Variants in CDK17 observed in about 807,000 individuals in gnomAD.
The protein encoded by CDK17 is cyclin dependent kinase 17.
A neutral mutation model predicts 77.6 loss-of-function variants in CDK17; 24 were observed. The ratio of observed to expected loss-of-function variants is 0.31; its 90% confidence interval spans 0.22 to 0.44. CDK17 has a LOEUF of 0.44. CDK17 is among the 20% of genes least tolerant of loss of function. The probability of loss-of-function intolerance (pLI) is 1.00; values close to 1 mark genes in which losing one functional copy is unlikely to be tolerated. For synonymous variants in CDK17, 203 were observed against 210.4 expected, an observed-to-expected ratio of 0.96 and a Z score of 0.30; for missense variants, 429 against 622.5, an observed-to-expected ratio of 0.69 and a Z score of 3.31.
chr12:96,342,793 G>A (rs887210200), intron 1 of CDK17, among the ~76,000 whole-genome samples: 2 of 151,542 alleles, frequency 1.3e-5, no homozygotes, highest in East Asian at 2.0e-4. Flanking sequence ...GAGAAACCCC[G>A]TCTCTACTAA....
In CDK17 at chr12:96,280,026, G is replaced by A. The variant is rs998377235; in HGVS notation, c.*216C>T. On this transcript the variant is annotated 3_prime_UTR_variant, in exon 17 of 17. Coordinates refer to ENST00000261211, the MANE Select transcript of CDK17 (RefSeq NM_002595.5). ...CTGTAACCTACTGGCTCTAATGGCA[G>A]AGAAGACCTTAAAACCGACTGTACA... The A allele has an allele frequency of 1.1e-5, 5 of 463,436 alleles. No homozygotes were observed. The highest frequency in any genetic ancestry group is 4.6e-5 in the South Asian group (1 of 21,870). The allele number at this position is 463,436 out of a possible 1,614,324, so 28.7% of individuals were successfully genotyped here. A position where few individuals can be genotyped will look rare whatever the true frequency, so the allele number is the denominator to read the frequency against.
In CDK17 at chr12:96,359,748, A is replaced by G. The variant is rs78464780; in HGVS notation, c.-29-24883T>C. Among the ~76,000 whole-genome samples the G allele has an allele frequency of 2.6e-3, 391 of 152,366 alleles. 2 individuals are homozygous for G. Among genetic ancestry groups the G allele is most frequent in the African/African-American group, 8.9e-3 (370 of 41,588 alleles). ...AACAAAAATAAACACAATTTCTTAA[A>G]AAGATTTATACTATAAAACTCAAAG... On this transcript the variant is annotated intron_variant, in intron 1 of 16. Coordinates refer to ENST00000261211, the MANE Select transcript of CDK17 (RefSeq NM_002595.5).
At chr12:96,384,748 G>A (rs1953944122) in intron 1 of CDK17, among the ~76,000 whole-genome samples, 3 of 152,160 alleles carry the variant, frequency 2.0e-5, no homozygotes, top group Admixed American at 6.5e-5. Flanking sequence ...TGAGCAGGGT[G>A]GCTAATGCCT....
intron 12 of CDK17, among the ~76,000 whole-genome samples, 174 bp from the exon 13 acceptor site, chr12:96,286,322 GT>G (rs1434099001): frequency 6.6e-6 from 1 of 151,644 alleles, no homozygotes; most frequent in Non-Finnish European, 1.5e-5. Flanking sequence ...TGGACTTTTT[GT>G]TTGGACTTTG....
chr12:96,395,458 GA>G (rs1476034523), intron 1 of CDK17, among the ~76,000 whole-genome samples: 15 of 152,138 alleles, frequency 9.9e-5, no homozygotes, highest in Admixed American at 9.8e-4. Flanking sequence ...TCGGTCCCTG[GA>G]AACAATGACT....
chr12:96,367,356 A>AG (rs1472708703), intron 1 of CDK17, among the ~76,000 whole-genome samples: 119 of 150,520 alleles, frequency 7.9e-4, no homozygotes, highest in African/African-American at 2.6e-3. Context: ...AAAAAAAAAA[A>AG]AAAAAAAAAA....
At chr12:96,360,373 G>A (rs1310958221) in intron 1 of CDK17, among the ~76,000 whole-genome samples, 1 of 152,160 alleles carries the variant, frequency 6.6e-6, no homozygotes, top group Non-Finnish European at 1.5e-5. Context: ...GGTAAGATAT[G>A]CCAGTGAGAA....
chr12:96,356,024 CAACA>C (rs1953388208), intron 1 of CDK17, among the ~76,000 whole-genome samples: 2 of 152,110 alleles, frequency 1.3e-5, no homozygotes, highest in African/African-American at 4.8e-5. Context: ...TCATTCATTT[CAACA>C]AACATTCACA....
intron 1 of CDK17, among the ~76,000 whole-genome samples, chr12:96,367,475 A>G (rs1953607100): frequency 1.3e-5 from 2 of 152,108 alleles, no homozygotes; most frequent in Admixed American, 1.3e-4. Context: ...AACAGTCGAA[A>G]TAAGAAAATG....
rs531681516 is a variant in CDK17, at chr12:96,306,875, A to C, written c.543+4177T>G. On this transcript the variant is annotated intron_variant, in intron 5 of 16. Coordinates refer to ENST00000261211, the MANE Select transcript of CDK17 (RefSeq NM_002595.5). ...ATTTTCATTTTGAAGAATAATTTTT[A>C]ATGTATTTCCAAAAAGTATGCTTTA... Among the ~76,000 whole-genome samples the C allele has an allele frequency of 3.3e-5, 5 of 152,354 alleles. No individual in the cohort carries two copies. The South Asian group carries it at 1.0e-3, about 32-fold the overall frequency.
chr12:96,286,714 A>G lies in CDK17; in HGVS notation c.1166T>C (p.Phe389Ser). 6.2e-7 allele frequency: 1 copy of G among 1,613,610 alleles called. No homozygotes were observed. The highest frequency in any genetic ancestry group is 1.1e-5 in the South Asian group (1 of 91,044). ...FFEMASGRPLFPGSTVEDELH... is the reference protein window; with the variant it reads ...FFEMASGRPLSPGSTVEDELH... Reference sequence around the variant, plus strand: ...TTCATCTTCCACGGTTGATCCTGGAAATAAAGGTCTTCCAGAAGCCATTTC... The same window carrying G: ...TTCATCTTCCACGGTTGATCCTGGAGATAAAGGTCTTCCAGAAGCCATTTC... Residue 389 changes from phenylalanine (F) to serine (S), a missense_variant, in exon 12 of 17, where the codon TTT becomes TCT. Coordinates refer to ENST00000261211, the MANE Select transcript of CDK17 (RefSeq NM_002595.5).
intron 1 of CDK17, among the ~76,000 whole-genome samples, chr12:96,385,033 G>T (rs1028588337): frequency 4.9e-4 from 64 of 131,830 alleles, no homozygotes; most frequent in Admixed American, 1.5e-3. Context: ...AAAAAAAAAA[G>T]CCAGGTGCAG....
chr12:96,354,735 T>C (rs1341518582), intron 1 of CDK17, among the ~76,000 whole-genome samples: 1 of 151,902 alleles, frequency 6.6e-6, no homozygotes, highest in African/African-American at 2.4e-5. Flanking sequence ...AAATTAAAAA[T>C]TAGCCAGGCA....
chr12:96,282,223 C>A (rs1592701788), intron 15 of CDK17: 1 of 281,192 alleles, frequency 3.6e-6, no homozygotes, highest in African/African-American at 2.2e-5. Context: ...AGGGACAATG[C>A]CTGTCATCAG....
chr12:96,312,526 A>G (rs1200166381), intron 4 of CDK17, among the ~76,000 whole-genome samples: 8 of 152,236 alleles, frequency 5.3e-5, no homozygotes, highest in Admixed American at 5.2e-4. Context: ...TATCATTTAG[A>G]AAACTGATAA....
At chr12:96,350,378 A>G (rs953180958) in intron 1 of CDK17, among the ~76,000 whole-genome samples, 22 of 152,114 alleles carry the variant, frequency 1.4e-4, no homozygotes, top group African/African-American at 5.1e-4. Context: ...CAACGACGAT[A>G]TCTTAAAATT....
intron 1 of CDK17, among the ~76,000 whole-genome samples, chr12:96,398,244 A>T (rs1421002992): frequency 2.0e-5 from 3 of 152,174 alleles, no homozygotes; most frequent in Admixed American, 2.0e-4. Context: ...TCATAACATA[A>T]AAAAGAATTT....
At chr12:96,395,860 G>C (rs1954159772) in intron 1 of CDK17, among the ~76,000 whole-genome samples, 1 of 152,222 alleles carries the variant, frequency 6.6e-6, no homozygotes, top group Admixed American at 6.5e-5. Context: ...AGAGTGCCCA[G>C]GGAGAAGACA....
intron 11 of CDK17, 70 bp downstream of exon 11, chr12:96,289,097 C>G: frequency 6.8e-7 from 1 of 1,476,068 alleles, no homozygotes; most frequent in Non-Finnish European, 9.5e-7. Context: ...ATATACTTAT[C>G]AATACATCTT....
Sources: allele counts gnomAD v4.1 joint callset (sites outside exome capture counted in the v4.1 genomes callset), GRCh38; gene constraint gnomAD v4.1.1; transcripts MANE v1.5; gene names NCBI Gene and HGNC (gene_info 2026-07-23, HGNC 2026-07-21).